Variants in HEATR4 observed in about 807,000 individuals in gnomAD.
The protein encoded by HEATR4 is HEAT repeat-containing protein 4.
HEATR4 carries 95 observed loss-of-function variants against 108.8 expected under a neutral mutation model. The observed-to-expected ratio is 0.87, with a 90% CI of 0.74 to 1.04. The LOEUF is 1.04. HEATR4 is among the 50% of genes least tolerant of loss of function. The probability of loss-of-function intolerance (pLI) is 0.00; values close to 1 mark genes in which losing one functional copy is unlikely to be tolerated. For missense variants in HEATR4, 1,152 were observed against 1,253.8 expected, an observed-to-expected ratio of 0.92 and a Z score of 1.23; for synonymous variants, 443 against 459.4, an observed-to-expected ratio of 0.96 and a Z score of 0.46.
chr14:73,510,506 G>C (rs570365385), intron 7 of HEATR4, among the ~76,000 whole-genome samples: 3 of 152,060 alleles, frequency 2.0e-5, no homozygotes, highest in African/African-American at 7.2e-5. Context: ...CACAATCTTG[G>C]CTCACTGCAA....
chr14:73,595,966 A>G, the HEATR4 span: 2 of 213,842 alleles, frequency 9.4e-6, no homozygotes, highest in African/African-American at 2.3e-5. Context: ...GACTTTTTCC[A>G]TCACTATGAA....
At chr14:73,481,563 G>A (rs541721692) in intron 17 of HEATR4, among the ~76,000 whole-genome samples, 274 of 151,420 alleles carry the variant, frequency 1.8e-3, no homozygotes, top group African/African-American at 6.3e-3. Context: ...AAAAAAGGCC[G>A]GGCATGGTGG....
In HEATR4 at chr14:73,509,446, A is replaced by T; in HGVS notation, c.1586T>A (p.Val529Asp). ...AGCAGCCTCTAGGGCAGGCAGTAGAACCTCCGGCAAGTCCTGGATGGTCTT... is the reference window on the plus strand; with the variant it reads ...AGCAGCCTCTAGGGCAGGCAGTAGATCCTCCGGCAAGTCCTGGATGGTCTT... ...SDKTIQDLPE[V>D]LLPALEAALC... The change falls in exon 8 of 18, where the codon GTT becomes GAT. Residue 529 changes from valine to aspartate, a missense_variant. Transcript: ENST00000553558. The T allele has an allele frequency of 6.2e-7, 1 of 1,613,844 alleles. No homozygotes were observed. Among genetic ancestry groups the T allele is most frequent in the Non-Finnish European group, 8.5e-7 (1 of 1,179,974 alleles).
chr14:73,622,068 A>G, the HEATR4 span, among the ~76,000 whole-genome samples: 1 of 151,436 alleles, frequency 6.6e-6, no homozygotes, highest in Admixed American at 6.6e-5. Context: ...TGGCCTGTGT[A>G]GTATAATTTT....
At chr14:73,572,273 T>C in the HEATR4 span, among the ~76,000 whole-genome samples, 2 of 148,936 alleles carry the variant, frequency 1.3e-5, no homozygotes. Context: ...AATTGAGGTA[T>C]ATTTCCAGCA....
the HEATR4 span, among the ~76,000 whole-genome samples, chr14:73,597,879 A>G: frequency 3.3e-5 from 5 of 151,220 alleles, no homozygotes; most frequent in Admixed American, 6.6e-5. Context: ...GGCATTAGCC[A>G]CCGCGCCTGG....
chr14:73,551,678 C>G lies in HEATR4; in HGVS notation c.-152+7073G>C, dbSNP rs55899983. Among the ~76,000 whole-genome samples, 9 of 109,098 alleles carry G rather than the reference C, an allele frequency of 8.2e-5. 2 individuals are homozygous for G. The highest frequency in any genetic ancestry group is 1.2e-4 in the Non-Finnish European group (6 of 50,826). The allele number at this position is 109,098 out of a possible 152,430, so 71.6% of individuals were successfully genotyped here. On this transcript the variant is annotated intron_variant, in intron 1 of 17. Coordinates refer to ENST00000553558, the MANE Select transcript of HEATR4 (RefSeq NM_001220484.1). ...CACAAATTAGCCGGGTGTGGTGGTGCGCACCTGTAGTCCCAGCTACTCAGG... is the reference window on the plus strand; with the variant it reads ...CACAAATTAGCCGGGTGTGGTGGTGGGCACCTGTAGTCCCAGCTACTCAGG...
chr14:73,491,324 G>T, intron 17 of HEATR4: 1 of 1,499,226 alleles, frequency 6.7e-7, no homozygotes, highest in Non-Finnish European at 8.9e-7. Context: ...CCTGGGGCCC[G>T]CAGAGCTGCT....
chr14:73,618,284 TC>T, the HEATR4 span, among the ~76,000 whole-genome samples: 41 of 152,138 alleles, frequency 2.7e-4, no homozygotes, highest in Admixed American at 2.7e-3. Context: ...CAGGGTTCTC[TC>T]CCCCACAACC....
chr14:73,490,957 C>A, intron 17 of HEATR4: 1 of 1,292,036 alleles, frequency 7.7e-7, no homozygotes, highest in South Asian at 2.5e-5. Flanking sequence ...CCGCTGCATT[C>A]AGGAACCGCT....
chr14:73,590,403 C>A, the HEATR4 span, among the ~76,000 whole-genome samples: 1 of 152,270 alleles, frequency 6.6e-6, no homozygotes, highest in East Asian at 1.9e-4. Context: ...ACTCAGGAGT[C>A]CAGCTGGCTT....
chr14:73,542,792 G>A (rs1889136436), intron 1 of HEATR4, among the ~76,000 whole-genome samples: 1 of 111,974 alleles, frequency 8.9e-6, no homozygotes, highest in Non-Finnish European at 1.9e-5. Context: ...AAAAGATCAT[G>A]GGAGATAATG....
At chr14:73,563,534 G>T (rs1173822220), upstream of HEATR4, among the ~76,000 whole-genome samples, 3 of 152,076 alleles carry the variant, frequency 2.0e-5, no homozygotes, top group African/African-American at 7.2e-5. Flanking sequence ...GGTGGAGGTT[G>T]CAGTGAGCTG....
chr14:73,606,936 C>T, the HEATR4 span, among the ~76,000 whole-genome samples: 6 of 152,132 alleles, frequency 3.9e-5, no homozygotes, highest in African/African-American at 1.4e-4. Flanking sequence ...TAACATGATC[C>T]CCCAAATTTC....
chr14:73,623,498 A>C, the HEATR4 span, among the ~76,000 whole-genome samples: 1 of 152,206 alleles, frequency 6.6e-6, no homozygotes, highest in South Asian at 2.1e-4. Context: ...AGCTTGAGCA[A>C]AGTAGCAAGA....
chr14:73,519,765 C>T (rs545828393), intron 4 of HEATR4, among the ~76,000 whole-genome samples: 1 of 152,240 alleles, frequency 6.6e-6, no homozygotes, highest in African/African-American at 2.4e-5. Context: ...CGCCTGTAAT[C>T]CCAGCACTTT....
intron 14 of HEATR4, among the ~76,000 whole-genome samples, 193 bp from the exon 15 acceptor site, chr14:73,496,872 A>G (rs1489280960): frequency 1.3e-5 from 2 of 152,104 alleles, no homozygotes; most frequent in Admixed American, 6.6e-5. Flanking sequence ...TTGAGACAAT[A>G]TATTTGTGGG....
At chr14:73,612,706 CTTCCGGGCCCACGCGCGCTA>C in the HEATR4 span, 16 of 1,395,102 alleles carry the variant, frequency 1.1e-5, no homozygotes, top group South Asian at 1.6e-4. Flanking sequence ...AGGGCGCGCT[CTTCCGGGCCCACGCGCGCTA>C]CCGTGCCGAC....
At chr14:73,626,789 C>CTT in the HEATR4 span, among the ~76,000 whole-genome samples, 7,770 of 82,406 alleles carry the variant, frequency 0.094, 1,515 homozygotes, top group African/African-American at 0.32. Flanking sequence ...GACAAACAGC[C>CTT]TTTTTTTTTT....
Sources: allele counts gnomAD v4.1 joint callset (sites outside exome capture counted in the v4.1 genomes callset), GRCh38; gene constraint gnomAD v4.1.1; transcripts MANE v1.5; gene names NCBI Gene and HGNC (gene_info 2026-07-23, HGNC 2026-07-21).